Variants in LRRC1 observed in about 807,000 individuals in gnomAD.
LRRC1 encodes the protein leucine-rich repeat-containing protein 1.
A neutral mutation model predicts 69.9 loss-of-function variants in LRRC1; 28 were observed. The ratio of observed to expected loss-of-function variants is 0.40; its 90% CI spans 0.30 to 0.55. The LOEUF is 0.55. Ranked by LOEUF, LRRC1 falls within the 20% of genes least tolerant of loss-of-function variation. The pLI is 0.47. For synonymous variants in LRRC1, 236 were observed against 240.2 expected (o/e 0.98, Z 0.16); for missense variants, 498 against 609.0 (o/e 0.82, Z 1.92).
chr6:53,816,596 T>C lies in LRRC1; in HGVS notation c.159+21181T>C, dbSNP rs77810194. ...CAAAACAGGGCAATATTTTTAGTTG[T>C]TGCCTTTAAATGTAGCTTTCTTACA... On this transcript the variant is annotated intron_variant, in intron 1 of 13. Coordinates refer to ENST00000370888, the MANE Select transcript of LRRC1 (RefSeq NM_018214.5). Among the ~76,000 whole-genome samples the C allele has an allele frequency of 8.3e-3, 1,258 of 152,272 alleles. 12 individuals are homozygous for C. Among genetic ancestry groups the C allele is most frequent in the African/African-American group, 0.028 (1,148 of 41,542 alleles).
chr6:53,824,409 T>C (rs1359623907), intron 1 of LRRC1, among the ~76,000 whole-genome samples: 1 of 152,210 alleles, frequency 6.6e-6, no homozygotes, highest in Non-Finnish European at 1.5e-5. Flanking sequence ...GATGCATAGA[T>C]TGCAACAATT....
At chr6:53,829,744 A>G (rs192580801) in intron 1 of LRRC1, among the ~76,000 whole-genome samples, 4 of 152,252 alleles carry the variant, frequency 2.6e-5, no homozygotes, top group African/African-American at 9.6e-5. Flanking sequence ...CCACTGAGCT[A>G]CCTCAGAAAA....
chr6:53,864,612 C>G (rs1463859024), intron 2 of LRRC1, among the ~76,000 whole-genome samples: 1 of 152,126 alleles, frequency 6.6e-6, no homozygotes, highest in East Asian at 1.9e-4. Context: ...GTTAATGGGA[C>G]TCCTGCTATC....
At chr6:53,826,151 G>A (rs903506532) in intron 1 of LRRC1, among the ~76,000 whole-genome samples, 4 of 149,538 alleles carry the variant, frequency 2.7e-5, no homozygotes, top group Non-Finnish European at 5.9e-5. Context: ...CTGCCTACGT[G>A]TGGGCTTGCT....
chr6:53,901,763 C>T (rs1191390539), intron 8 of LRRC1, among the ~76,000 whole-genome samples: 1 of 152,178 alleles, frequency 6.6e-6, no homozygotes, highest in Non-Finnish European at 1.5e-5. Flanking sequence ...CAGGTGGAAA[C>T]CCTCCAGTGA....
chr6:53,817,350 C>G (rs933442098), intron 1 of LRRC1, among the ~76,000 whole-genome samples: 7 of 151,974 alleles, frequency 4.6e-5, no homozygotes, highest in African/African-American at 1.7e-4. Flanking sequence ...TTGTGGGGTA[C>G]AAAGTGATGT....
intron 4 of LRRC1, 27 bp downstream of exon 4, chr6:53,883,003 G>A: frequency 6.9e-7 from 1 of 1,450,832 alleles, no homozygotes; most frequent in African/African-American, 1.4e-5. Context: ...AGTTTGGGTG[G>A]ATCAGGGTGA....
At chr6:53,895,953 C>A (rs557716904) in intron 4 of LRRC1, among the ~76,000 whole-genome samples, 63 of 152,342 alleles carry the variant, frequency 4.1e-4, no homozygotes, top group African/African-American at 1.5e-3. Context: ...AAAGTTACTT[C>A]CTTAGCGCAG....
chr6:53,860,974 T>C (rs1341180249), intron 2 of LRRC1, among the ~76,000 whole-genome samples: 4 of 151,862 alleles, frequency 2.6e-5, no homozygotes, highest in Non-Finnish European at 5.9e-5. Flanking sequence ...AAGTGGGCGC[T>C]AAACACTGAG....
Position 53,916,666 on chromosome 6 carries a change from A to G in LRRC1, c.1106+2697A>G, listed in dbSNP as rs367665186. Among the ~76,000 whole-genome samples, 49 of 152,276 alleles carry G rather than the reference A, an allele frequency of 3.2e-4. No individual in the cohort carries two copies. In the Middle Eastern group the frequency reaches 0.01, roughly 32 times the overall value. ...TTTTTGCCAGTTATGTTCCCAATTT[A>G]TATATATTTTTAAATATTTTTGAAA... is the stretch of plus-strand genomic sequence containing the variant. On this transcript the variant is annotated intron_variant, in intron 11 of 13. Transcript: ENST00000370888.
intron 10 of LRRC1, chr6:53,904,948 A>G (rs1328012311): frequency 6.5e-6 from 1 of 153,004 alleles, no homozygotes. Context: ...TCACAAAGGC[A>G]TACACATAGA....
intron 1 of LRRC1, among the ~76,000 whole-genome samples, chr6:53,811,090 T>C (rs1269646044): frequency 6.6e-6 from 1 of 152,220 alleles, no homozygotes; most frequent in African/African-American, 2.4e-5. Flanking sequence ...ATTTTTTTCA[T>C]TAAAAAATAT....
chr6:53,851,382 A>G (rs1012009765), intron 2 of LRRC1, among the ~76,000 whole-genome samples: 2 of 152,134 alleles, frequency 1.3e-5, no homozygotes, highest in African/African-American at 4.8e-5. Context: ...CCTGAGAACC[A>G]GGGAAGCCAG....
Position 53,922,896 on chromosome 6 carries a change from G to A in LRRC1, c.*103G>A, listed in dbSNP as rs549928364. Reference sequence around the variant, plus strand: ...GTGCTCCTTGTCCTAACCAGCCCCCGCGCGCCATCTTCCCGTGGAGTGTGG... The same window carrying A: ...GTGCTCCTTGTCCTAACCAGCCCCCACGCGCCATCTTCCCGTGGAGTGTGG... On this transcript the variant is annotated 3_prime_UTR_variant, in exon 14 of 14. Transcript: ENST00000370888. 1.3e-4 allele frequency: 149 copies of A among 1,130,980 alleles called. No homozygotes were observed. Among genetic ancestry groups the A allele is most frequent in the South Asian group, 3.5e-4 (23 of 65,054 alleles). 70.1% of individuals were successfully genotyped at this position (1,130,980 alleles called of 1,614,324 possible).
At chr6:53,897,201 C>A in intron 6 of LRRC1, 84 bp from the exon 7 acceptor site, 1 of 891,634 alleles carries the variant, frequency 1.1e-6, no homozygotes, top group Non-Finnish European at 1.8e-6. Context: ...CAGTTGTTAA[C>A]AGATGAATTC....
intron 1 of LRRC1, among the ~76,000 whole-genome samples, chr6:53,838,724 A>G (rs1052026658): frequency 1.2e-4 from 18 of 152,232 alleles, no homozygotes; most frequent in Non-Finnish European, 1.9e-4. Context: ...AGACATTTCA[A>G]TATCTTTCCT....
intron 10 of LRRC1, among the ~76,000 whole-genome samples, chr6:53,906,110 T>C (rs116186111): frequency 2.3e-3 from 356 of 152,360 alleles, no homozygotes; most frequent in African/African-American, 8.2e-3. Context: ...AAGTATTTGT[T>C]GTACTTGTTG....
rs1179382474 is a variant in LRRC1, at chr6:53,896,620, G to A, written c.503+66G>A. ...TGAATTTAAGTATTTAAAAAAACAG[G>A]ACTACAGTATTACGTGAAAACATTT... On this transcript the variant is annotated intron_variant, in intron 5 of 13. Coordinates refer to ENST00000370888, the MANE Select transcript of LRRC1 (RefSeq NM_018214.5). The A allele has an allele frequency of 4.9e-6, 7 of 1,417,874 alleles. No individual in the cohort carries two copies. In the Admixed American group the frequency reaches 1.0e-4, roughly 21 times the overall value. 87.8% of individuals were successfully genotyped at this position (1,417,874 alleles called of 1,614,324 possible).
chr6:53,802,108 C>T (rs938934814), intron 1 of LRRC1, among the ~76,000 whole-genome samples: 3 of 152,092 alleles, frequency 2.0e-5, no homozygotes, highest in African/African-American at 4.8e-5. Context: ...GGAGGCATGG[C>T]GATGTGAAGA....
Sources: gnomAD v4.1 joint callset for allele counts (sites outside exome capture counted in the v4.1 genomes callset) on GRCh38, gnomAD v4.1.1 for gene constraint, MANE v1.5 for transcripts, NCBI Gene and HGNC (gene_info 2026-07-23, HGNC 2026-07-21) for gene names.